Variants in GALNT13 observed in about 807,000 individuals in gnomAD.
GALNT13 encodes the protein UDP-GalNAc:polypeptide N-acetylgalactosaminyltransferase 13.
GALNT13 carries 28 observed loss-of-function variants against 64.2 expected under a neutral mutation model. That is an observed-to-expected ratio of 0.44 (90% CI 0.32 to 0.60). The LOEUF (loss-of-function observed/expected upper bound fraction) is 0.60, where lower values mean the gene tolerates loss of function less well. Among genes scored for constraint, GALNT13 ranks in the 20% least tolerant of loss-of-function variants. The pLI, the probability that GALNT13 is intolerant of heterozygous loss-of-function variation, is 0.05. For missense variants in GALNT13, 577 were observed against 669.8 expected (o/e 0.86, Z 1.53); for synonymous variants, 214 against 224.6 (o/e 0.95, Z 0.42).
At chr2:153,982,303 A>C (rs935419501) in intron 3 of GALNT13, among the ~76,000 whole-genome samples, 4 of 152,114 alleles carry the variant, frequency 2.6e-5, no homozygotes, top group African/African-American at 9.7e-5. Context: ...TAAGTAAATA[A>C]TGCTAAATGT....
At chr2:153,836,634 A>G in the GALNT13 span, among the ~76,000 whole-genome samples, 2 of 150,572 alleles carry the variant, frequency 1.3e-5, no homozygotes, top group African/African-American at 2.4e-5. Flanking sequence ...CATTAGGTAT[A>G]TCTCCTAATG....
intron 3 of GALNT13, among the ~76,000 whole-genome samples, chr2:153,987,958 CG>C (rs1031785362): frequency 3.3e-5 from 5 of 151,506 alleles, no homozygotes; most frequent in Admixed American, 6.6e-5. Context: ...CATAAGTATT[CG>C]GGGGAGAAGA....
At chr2:153,718,820 T>C in the GALNT13 span, among the ~76,000 whole-genome samples, 1 of 152,208 alleles carries the variant, frequency 6.6e-6, no homozygotes, top group African/African-American at 2.4e-5. Flanking sequence ...CAATACACTT[T>C]GAAAATTAGA....
the GALNT13 span, among the ~76,000 whole-genome samples, chr2:153,322,609 C>T: frequency 1.3e-5 from 2 of 152,012 alleles, no homozygotes; most frequent in Admixed American, 6.6e-5. Flanking sequence ...TCCATCAACC[C>T]GTTATCTACA....
chr2:153,725,320 G>T, the GALNT13 span, among the ~76,000 whole-genome samples: 5 of 151,126 alleles, frequency 3.3e-5, no homozygotes, highest in East Asian at 2.0e-4. Flanking sequence ...GAGGGGAGAG[G>T]GGGGAGGGAT....
chr2:153,951,717 T>C (rs1313688672), intron 3 of GALNT13, among the ~76,000 whole-genome samples: 6 of 152,146 alleles, frequency 3.9e-5, no homozygotes, highest in Non-Finnish European at 5.9e-5. Context: ...AAAGGAACTG[T>C]TCAGTAGGAA....
chr2:153,997,416 AG>A lies in GALNT13; in HGVS notation c.142+52782del, dbSNP rs1381764465. On this transcript the variant is annotated intron_variant, in intron 3 of 12. Transcript: ENST00000392825. ...TACCCCCTTGATTGACTTTATTCTT[AG>A]GGGGATATTTTTGGCTATTATAAAT... Among the ~76,000 whole-genome samples the A allele has an allele frequency of 3.3e-5, 5 of 151,816 alleles. No homozygotes were observed. The East Asian group carries it at 9.7e-4, about 29-fold the overall frequency.
chr2:154,127,182 G>C (rs1274299524), intron 3 of GALNT13, among the ~76,000 whole-genome samples: 1 of 151,982 alleles, frequency 6.6e-6, no homozygotes. Flanking sequence ...CTCCCCAGTA[G>C]CATGAATAAA....
At chr2:153,630,803 ATATATTTT>A in the GALNT13 span, among the ~76,000 whole-genome samples, 136 of 17,412 alleles carry the variant, frequency 7.8e-3, no homozygotes, top group Middle Eastern at 0.1. Context: ...ATATATATAT[ATATATTTT>A]TTTTTTTTTT....
At chr2:153,828,505 G>T in the GALNT13 span, among the ~76,000 whole-genome samples, 2 of 152,156 alleles carry the variant, frequency 1.3e-5, no homozygotes, top group Non-Finnish European at 2.9e-5. Flanking sequence ...GTTGTACCTT[G>T]GTCCCTTGTA....
chr2:153,928,055 G>T (rs544684970), intron 2 of GALNT13, among the ~76,000 whole-genome samples: 1 of 152,090 alleles, frequency 6.6e-6, no homozygotes, highest in Middle Eastern at 3.4e-3. Context: ...GCTACTGGGG[G>T]TTCTTTTGTG....
chr2:153,193,969 G>A, the GALNT13 span, among the ~76,000 whole-genome samples: 1 of 152,046 alleles, frequency 6.6e-6, no homozygotes, highest in African/African-American at 2.4e-5. Flanking sequence ...TCTGCTGCTA[G>A]TCTGGCGGGT....
At chr2:154,416,786 A>C (rs1220405820) in intron 11 of GALNT13, among the ~76,000 whole-genome samples, 3 of 152,142 alleles carry the variant, frequency 2.0e-5, no homozygotes, top group African/African-American at 7.2e-5. Flanking sequence ...ATACTTTTAC[A>C]TGTCAGTGAA....
At chr2:153,565,985 G>T in the GALNT13 span, among the ~76,000 whole-genome samples, 274 of 152,092 alleles carry the variant, frequency 1.8e-3, 2 homozygotes, top group Middle Eastern at 0.014. Context: ...GTGTTCTACT[G>T]AACGCTTTTG....
At chr2:153,242,007 G>A in the GALNT13 span, among the ~76,000 whole-genome samples, 3 of 152,160 alleles carry the variant, frequency 2.0e-5, no homozygotes, top group African/African-American at 7.2e-5. Context: ...GTGACCATGT[G>A]GGGATACTTG....
the GALNT13 span, among the ~76,000 whole-genome samples, chr2:153,487,425 C>A: frequency 6.6e-6 from 1 of 152,204 alleles, no homozygotes; most frequent in African/African-American, 2.4e-5. Context: ...TCTCTTTTCC[C>A]TCCAATATTT....
chr2:154,428,777 A>ATTTTTTTTTTTTTTTTTTT, intron 11 of GALNT13, among the ~76,000 whole-genome samples: 1 of 139,654 alleles, frequency 7.2e-6, no homozygotes, highest in Non-Finnish European at 1.6e-5. Context: ...ATGATCAGTG[A>ATTTTTTTTTTTTTTTTTTT]TTTTTTTTTT....
chr2:154,311,622 C>T (rs958367173), intron 9 of GALNT13, among the ~76,000 whole-genome samples: 2 of 151,474 alleles, frequency 1.3e-5, no homozygotes, highest in African/African-American at 2.4e-5. Context: ...CTTATCAGGA[C>T]ACAGGGTTTT....
chr2:154,231,081 A>C (rs1049581087), intron 4 of GALNT13, among the ~76,000 whole-genome samples: 2 of 152,032 alleles, frequency 1.3e-5, no homozygotes, highest in Admixed American at 1.3e-4. Flanking sequence ...TGGCCTTTTT[A>C]GCTTCACATC....
Sources: gnomAD v4.1 joint callset for allele counts (sites outside exome capture counted in the v4.1 genomes callset) on GRCh38, gnomAD v4.1.1 for gene constraint, MANE v1.5 for transcripts, NCBI Gene and HGNC (gene_info 2026-07-23, HGNC 2026-07-21) for gene names.